GPR39: variants seen among roughly 807,000 people sequenced by gnomAD.
The protein encoded by GPR39 is G protein-coupled receptor 39, also known as zinc sensing receptor.
A neutral mutation model predicts 18.4 loss-of-function variants in GPR39; 23 were observed. That is an observed-to-expected ratio of 1.25 (90% CI 0.90 to 1.77). The LOEUF (loss-of-function observed/expected upper bound fraction) is 1.77. Ranked by LOEUF, GPR39 falls within the 40% of genes most tolerant of loss-of-function variation. The pLI, the probability that GPR39 is intolerant of heterozygous loss-of-function variation, is 0.00. For synonymous variants in GPR39, 280 were observed against 257.9 expected (o/e 1.09, Z -0.82); for missense variants, 647 against 602.4 (o/e 1.07, Z -0.78).
chr2:132,448,584 A>G (rs1382017578), intron 1 of GPR39, among the ~76,000 whole-genome samples: 1 of 152,208 alleles, frequency 6.6e-6, no homozygotes, highest in Admixed American at 6.5e-5. Flanking sequence ...GCTGCCTGCA[A>G]TGATGCAGTG....
At chr2:132,423,752 T>C (rs979345483) in intron 1 of GPR39, among the ~76,000 whole-genome samples, 7 of 152,206 alleles carry the variant, frequency 4.6e-5, no homozygotes, top group Non-Finnish European at 8.8e-5. Context: ...TTACATTTAA[T>C]TGTGCAATTA....
At chr2:132,528,262 G>C (rs1679548118) in intron 1 of GPR39, among the ~76,000 whole-genome samples, 1 of 152,112 alleles carries the variant, frequency 6.6e-6, no homozygotes, top group Non-Finnish European at 1.5e-5. Context: ...TTATTTCTGA[G>C]TTCTCTGCTC....
chr2:132,491,214 A>G (rs923529891), intron 1 of GPR39, among the ~76,000 whole-genome samples: 2 of 152,160 alleles, frequency 1.3e-5, no homozygotes, highest in Non-Finnish European at 2.9e-5. Flanking sequence ...TATCTTTCGA[A>G]CTAAACCAGG....
At chr2:132,523,997 A>G (rs999618873) in intron 1 of GPR39, 26 of 152,690 alleles carry the variant, frequency 1.7e-4, no homozygotes, top group African/African-American at 6.3e-4. Context: ...AGAAATGCAA[A>G]TTATTGGGCC....
At chr2:132,481,427 A>C (rs930295703) in intron 1 of GPR39, among the ~76,000 whole-genome samples, 2 of 152,230 alleles carry the variant, frequency 1.3e-5, no homozygotes, top group African/African-American at 2.4e-5. Flanking sequence ...AGTATTGAGA[A>C]GTGTCTTTTT....
chr2:132,498,693 A>G (rs1681695469), intron 1 of GPR39, among the ~76,000 whole-genome samples: 1 of 152,174 alleles, frequency 6.6e-6, no homozygotes, highest in African/African-American at 2.4e-5. Flanking sequence ...TCCCACGAGC[A>G]ATGTGAAAGT....
chr2:132,486,253 C>T (rs992952572), intron 1 of GPR39, among the ~76,000 whole-genome samples: 1 of 152,170 alleles, frequency 6.6e-6, no homozygotes, highest in Non-Finnish European at 1.5e-5. Flanking sequence ...AGAACACAGA[C>T]AAAGTAGATT....
chr2:132,635,576 G>A (rs1361093475), intron 1 of GPR39, among the ~76,000 whole-genome samples: 3 of 152,154 alleles, frequency 2.0e-5, no homozygotes, highest in East Asian at 3.9e-4. Flanking sequence ...GGGATGAGGA[G>A]GGTGTGGTCT....
intron 1 of GPR39, among the ~76,000 whole-genome samples, chr2:132,533,026 C>T (rs964945626): frequency 1.3e-5 from 2 of 151,972 alleles, no homozygotes; most frequent in Admixed American, 6.6e-5. Flanking sequence ...AAATAAAGGG[C>T]ATTCAATTAG....
intron 1 of GPR39, among the ~76,000 whole-genome samples, chr2:132,519,831 G>T (rs568857295): frequency 4.7e-4 from 72 of 152,280 alleles, no homozygotes; most frequent in African/African-American, 1.7e-3. Flanking sequence ...TAAATAGGTA[G>T]CTATCAGATT....
intron 1 of GPR39, among the ~76,000 whole-genome samples, chr2:132,429,532 C>T (rs1680187703): frequency 6.6e-6 from 1 of 152,190 alleles, no homozygotes; most frequent in Admixed American, 6.5e-5. Flanking sequence ...CTGGGCTGCG[C>T]CAGTCACGTG....
intron 1 of GPR39, among the ~76,000 whole-genome samples, chr2:132,466,606 C>T (rs561549921): frequency 6.6e-6 from 1 of 152,252 alleles, no homozygotes; most frequent in East Asian, 1.9e-4. Flanking sequence ...AGCATAACCC[C>T]CAGGCTAACA....
At chr2:132,458,405 C>T (rs1025734677) in intron 1 of GPR39, among the ~76,000 whole-genome samples, 4 of 145,774 alleles carry the variant, frequency 2.7e-5, no homozygotes, top group African/African-American at 1.0e-4. Context: ...ATCACATTTT[C>T]CATGAGCTCA....
At chr2:132,638,219 A>G (rs989434753) in intron 1 of GPR39, among the ~76,000 whole-genome samples, 37 of 152,072 alleles carry the variant, frequency 2.4e-4, no homozygotes, top group Non-Finnish European at 3.4e-4. Flanking sequence ...GTTGTCTAGG[A>G]GTGGAACCAG....
At chr2:132,436,439 C>T (rs1172793500) in intron 1 of GPR39, among the ~76,000 whole-genome samples, 1 of 152,170 alleles carries the variant, frequency 6.6e-6, no homozygotes, top group Non-Finnish European at 1.5e-5. Flanking sequence ...ACCATGGTAA[C>T]CAATTGTCCC....
intron 1 of GPR39, among the ~76,000 whole-genome samples, chr2:132,496,382 C>A (rs968334476): frequency 6.6e-6 from 1 of 152,174 alleles, no homozygotes; most frequent in Non-Finnish European, 1.5e-5. Flanking sequence ...TGTTAGCCTC[C>A]AGCAGGAAAC....
intron 1 of GPR39, among the ~76,000 whole-genome samples, chr2:132,613,040 T>C (rs77214089): frequency 0.025 from 3,746 of 152,294 alleles, 131 homozygotes; most frequent in African/African-American, 0.084. Context: ...TTCCTAGATA[T>C]CCATATTTTA....
intron 1 of GPR39, among the ~76,000 whole-genome samples, chr2:132,455,694 T>C (rs1402071623): frequency 1.3e-5 from 2 of 152,228 alleles, no homozygotes; most frequent in Non-Finnish European, 2.9e-5. Flanking sequence ...TTGTTCTCAT[T>C]GGTTTCGAAG....
intron 1 of GPR39, among the ~76,000 whole-genome samples, chr2:132,435,218 G>T (rs1573600591): frequency 6.6e-6 from 1 of 152,070 alleles, no homozygotes; most frequent in Non-Finnish European, 1.5e-5. Context: ...ACCCGAGTGT[G>T]CCTGCCTCTC....
Sources: gnomAD v4.1 joint callset for allele counts (sites outside exome capture counted in the v4.1 genomes callset) on GRCh38, gnomAD v4.1.1 for gene constraint, MANE v1.5 for transcripts, NCBI Gene and HGNC (gene_info 2026-07-23, HGNC 2026-07-21) for gene names.